Variants in SLC4A10 observed in about 807,000 individuals in gnomAD.
The protein encoded by SLC4A10 is solute carrier family 4 member 10.
In SLC4A10, 42 loss-of-function variants were observed where a neutral mutation model predicts 137.7. The observed-to-expected ratio is 0.30, with a 90% CI of 0.24 to 0.39. SLC4A10 has a LOEUF of 0.39. SLC4A10 is among the 10% of genes least tolerant of loss of function. The probability of loss-of-function intolerance (pLI) is 1.00; values close to 1 mark genes in which losing one functional copy is unlikely to be tolerated. For synonymous variants in SLC4A10, 474 were observed against 464.1 expected, an observed-to-expected ratio of 1.02 and a Z score of -0.27; for missense variants, 925 against 1,355.0, an observed-to-expected ratio of 0.68 and a Z score of 4.98.
intron 3 of SLC4A10, among the ~76,000 whole-genome samples, chr2:161,835,738 A>C (rs1258620612): frequency 6.6e-6 from 1 of 152,196 alleles, no homozygotes; most frequent in African/African-American, 2.4e-5. Flanking sequence ...TTGTGGTCCA[A>C]GGAAGAGACT....
chr2:161,810,855 A>G (rs932896074), intron 3 of SLC4A10, among the ~76,000 whole-genome samples: 23 of 151,944 alleles, frequency 1.5e-4, no homozygotes, highest in Admixed American at 7.9e-4. Context: ...AGATTTTGGT[A>G]TAAGGATGAT....
chr2:161,751,352 CTTT>C (rs71889107), intron 1 of SLC4A10, among the ~76,000 whole-genome samples: 1 of 112,158 alleles, frequency 8.9e-6, no homozygotes, highest in African/African-American at 3.2e-5. Flanking sequence ...TTGCATTTTG[CTTT>C]TTTTTTTTTT....
At chr2:161,650,893 C>T (rs1309935326) in intron 1 of SLC4A10, among the ~76,000 whole-genome samples, 2 of 152,124 alleles carry the variant, frequency 1.3e-5, no homozygotes, top group East Asian at 1.9e-4. Flanking sequence ...ATGTTGATGG[C>T]GGCAAGAGGC....
intron 15 of SLC4A10, among the ~76,000 whole-genome samples, chr2:161,909,830 C>T (rs915345131): frequency 6.6e-5 from 10 of 152,132 alleles, no homozygotes; most frequent in Non-Finnish European, 1.0e-4. Flanking sequence ...TTGCACAAAA[C>T]ATTTACTTTG....
intron 3 of SLC4A10, among the ~76,000 whole-genome samples, chr2:161,825,648 C>T (rs1396354708): frequency 1.3e-5 from 2 of 152,162 alleles, no homozygotes; most frequent in Admixed American, 1.3e-4. Context: ...AAGACACACA[C>T]ACACTCAGAT....
chr2:161,687,702 C>T (rs544713602), intron 1 of SLC4A10, among the ~76,000 whole-genome samples: 4 of 152,122 alleles, frequency 2.6e-5, no homozygotes, highest in Admixed American at 6.5e-5. Flanking sequence ...AGGTGGGGAC[C>T]GGGTCGATGT....
chr2:161,901,744 G>T (rs1184324484), intron 12 of SLC4A10, among the ~76,000 whole-genome samples: 1 of 152,048 alleles, frequency 6.6e-6, no homozygotes, highest in Non-Finnish European at 1.5e-5. Context: ...TGAGCACTCT[G>T]CATTTTAATT....
Position 161,788,831 on chromosome 2 carries a change from A to G in SLC4A10, c.131-15618A>G, listed in dbSNP as rs943860384. 6.6e-5 allele frequency among the ~76,000 whole-genome samples: 10 copies of G among 152,248 alleles called. No individual in the cohort carries two copies. The East Asian group carries it at 1.4e-3, about 21-fold the overall frequency. On this transcript the variant is annotated intron_variant, in intron 2 of 26. Transcript: ENST00000446997. The stretch of plus-strand genomic sequence containing the variant: ...CCTAGGTGGCATTGGCTCACTTTCA[A>G]TGAGGTGTAGCTGCCACGAAGAGTG...
intron 11 of SLC4A10, among the ~76,000 whole-genome samples, chr2:161,899,211 T>C (rs918151699): frequency 2.0e-5 from 3 of 152,082 alleles, no homozygotes; most frequent in Non-Finnish European, 4.4e-5. Context: ...TTCTATATCA[T>C]CAAATCTTTT....
intron 4 of SLC4A10, among the ~76,000 whole-genome samples, chr2:161,850,392 AAAAAT>A (rs998385676): frequency 7.1e-4 from 108 of 152,262 alleles, no homozygotes; most frequent in African/African-American, 2.3e-3. Flanking sequence ...TCTGTCTCAA[AAAAAT>A]AAAATAAAAT....
chr2:161,680,624 A>G (rs2040748095), intron 1 of SLC4A10, among the ~76,000 whole-genome samples: 1 of 152,124 alleles, frequency 6.6e-6, no homozygotes, highest in African/African-American at 2.4e-5. Context: ...ATAGGTTTGA[A>G]TAAGGGAGTA....
chr2:161,780,075 A>G (rs866420303), intron 2 of SLC4A10, among the ~76,000 whole-genome samples: 5 of 151,950 alleles, frequency 3.3e-5, no homozygotes, highest in South Asian at 2.1e-4. Flanking sequence ...CATTTTATTT[A>G]TTTTTATTGC....
At chr2:161,777,779 A>G (rs542564935) in intron 2 of SLC4A10, among the ~76,000 whole-genome samples, 1 of 152,114 alleles carries the variant, frequency 6.6e-6, no homozygotes, top group African/African-American at 2.4e-5. Context: ...TATGGGATTT[A>G]TGGGGCTACA....
Position 161,783,368 on chromosome 2 carries a change from C to A in SLC4A10, c.130+12314C>A, listed in dbSNP as rs184079786. Reference sequence around the variant, plus strand: ...CTCCCTACAAAAAATGCTAAGGGAACCTCCTTAACTTGAAATGAAAGGACA... The same window carrying A: ...CTCCCTACAAAAAATGCTAAGGGAAACTCCTTAACTTGAAATGAAAGGACA... On this transcript the variant is annotated intron_variant, in intron 2 of 26. Coordinates refer to ENST00000446997, the MANE Select transcript of SLC4A10 (RefSeq NM_001178015.2). Among the ~76,000 whole-genome samples the A allele has an allele frequency of 3.0e-3, 459 of 151,918 alleles. 5 individuals are homozygous for A. The highest frequency in any genetic ancestry group is 7.4e-3 in the Admixed American group (112 of 15,228).
intron 5 of SLC4A10, among the ~76,000 whole-genome samples, chr2:161,858,208 T>A (rs1268548768): frequency 6.6e-6 from 1 of 152,158 alleles, no homozygotes; most frequent in African/African-American, 2.4e-5. Context: ...CCCTAGTACT[T>A]TGTGAATACA....
intron 6 of SLC4A10, among the ~76,000 whole-genome samples, chr2:161,869,105 C>T (rs1450091785): frequency 6.6e-6 from 1 of 151,616 alleles, no homozygotes; most frequent in East Asian, 1.9e-4. Context: ...AAATCCTAAA[C>T]TTATACTAAT....
Position 161,624,417 on chromosome 2 carries a change from G to T in SLC4A10, c.-102G>T. The T allele has an allele frequency of 6.5e-7, 1 of 1,536,546 alleles. No homozygotes were observed. Among genetic ancestry groups the T allele is most frequent in the South Asian group, 1.2e-5 (1 of 82,746 alleles). ...GAGTGTGCAATTGCCTCCTGCTTCA[G>T]AGCTACCTGATCCGAATACTAAGCA... On this transcript the variant is annotated 5_prime_UTR_variant, in exon 1 of 27. Transcript: ENST00000446997.
chr2:161,719,235 A>G (rs2045331321), intron 1 of SLC4A10, among the ~76,000 whole-genome samples: 1 of 152,058 alleles, frequency 6.6e-6, no homozygotes, highest in Admixed American at 6.6e-5. Flanking sequence ...ACATGAACTC[A>G]TCATTTTTTA....
intron 1 of SLC4A10, among the ~76,000 whole-genome samples, chr2:161,627,268 A>T (rs1365665140): frequency 6.6e-6 from 1 of 152,100 alleles, no homozygotes; most frequent in Non-Finnish European, 1.5e-5. Flanking sequence ...CTTTCTACCA[A>T]GAAGGAAAAA....
Sources: gnomAD v4.1 joint callset for allele counts (sites outside exome capture counted in the v4.1 genomes callset) on GRCh38, gnomAD v4.1.1 for gene constraint, MANE v1.5 for transcripts, NCBI Gene and HGNC (gene_info 2026-07-23, HGNC 2026-07-21) for gene names.